Variants in TNFAIP8 observed in about 807,000 individuals in gnomAD.
TNFAIP8 encodes the protein tumor necrosis factor alpha-induced protein 8.
Under a neutral mutation model 13.3 loss-of-function variants are expected in TNFAIP8, and 7 were observed. The ratio of observed to expected loss-of-function variants is 0.52; its 90% CI spans 0.30 to 0.99. The LOEUF (loss-of-function observed/expected upper bound fraction) is 0.99. Ranked by LOEUF, TNFAIP8 falls within the 50% of genes least tolerant of loss-of-function variation. TNFAIP8 has a pLI of 0.07. For synonymous variants in TNFAIP8, 94 were observed against 87.6 expected (o/e 1.07, Z -0.41); for missense variants, 258 against 236.9 (o/e 1.09, Z -0.58).
At chr5:119,297,917 T>C (rs4526133) in intron 1 of TNFAIP8, among the ~76,000 whole-genome samples, 4,644 of 152,246 alleles carry the variant, frequency 0.031, 173 homozygotes, top group African/African-American at 0.092. Context: ...TATCAGAGAC[T>C]AGGATTGCAA....
At chr5:119,302,726 G>A (rs1214127230) in intron 1 of TNFAIP8, among the ~76,000 whole-genome samples, 4 of 152,116 alleles carry the variant, frequency 2.6e-5, no homozygotes, top group Admixed American at 6.5e-5. Flanking sequence ...AACACTTAAA[G>A]CTTATGACCT....
At chr5:119,315,218 GA>G (rs1749853337) in intron 1 of TNFAIP8, among the ~76,000 whole-genome samples, 1 of 152,178 alleles carries the variant, frequency 6.6e-6, no homozygotes. Context: ...GAGTAGCTGG[GA>G]CTACAGGTGC....
chr5:119,395,649 G>C lies in TNFAIP8; in HGVS notation c.*2268G>C, dbSNP rs1170239642. 6.6e-6 allele frequency: 1 copy of C among 152,206 alleles called. No homozygotes were observed. Among genetic ancestry groups the C allele is most frequent in the African/African-American group, 2.4e-5 (1 of 41,434 alleles). 9.4% of individuals were successfully genotyped at this position (152,206 alleles called of 1,614,324 possible). On this transcript the variant is annotated 3_prime_UTR_variant, in exon 2 of 2. Coordinates refer to ENST00000504771, the MANE Select transcript of TNFAIP8 (RefSeq NM_014350.4). ...CTACCATTTCTCAGCATTTTCTGGA[G>C]GGGACCCATCTCCTTACCAGTGCTG... is the stretch of plus-strand genomic sequence containing the variant.
chr5:119,300,258 AC>A (rs1440509372), intron 1 of TNFAIP8, among the ~76,000 whole-genome samples: 1 of 152,090 alleles, frequency 6.6e-6, no homozygotes, highest in Non-Finnish European at 1.5e-5. Flanking sequence ...CTTGGCTGCC[AC>A]CCCCAGTACC....
At chr5:119,369,678 T>C (rs955680524) in intron 1 of TNFAIP8, among the ~76,000 whole-genome samples, 1 of 152,222 alleles carries the variant, frequency 6.6e-6, no homozygotes, top group Non-Finnish European at 1.5e-5. Context: ...ACTCAATAGG[T>C]AGTTGTATCA....
chr5:119,351,024 G>A (rs1751116041), upstream of TNFAIP8, among the ~76,000 whole-genome samples: 1 of 151,226 alleles, frequency 6.6e-6, no homozygotes, highest in South Asian at 2.1e-4. Context: ...GTGTGTGTGT[G>A]TGTGTGTGTG....
chr5:119,350,221 A>G (rs751617204), intron 1 of TNFAIP8, among the ~76,000 whole-genome samples: 4 of 152,338 alleles, frequency 2.6e-5, no homozygotes, highest in South Asian at 4.1e-4. Flanking sequence ...GGGAAAAAAA[A>G]TTCCACTAAG....
chr5:119,317,881 G>C (rs1470321829), intron 1 of TNFAIP8, among the ~76,000 whole-genome samples: 1 of 152,148 alleles, frequency 6.6e-6, no homozygotes, highest in Non-Finnish European at 1.5e-5. Flanking sequence ...ACAGGCGTGA[G>C]CTCCTGCACC....
intron 1 of TNFAIP8, among the ~76,000 whole-genome samples, chr5:119,343,605 T>C (rs1020655429): frequency 1.3e-5 from 2 of 152,260 alleles, no homozygotes; most frequent in Non-Finnish European, 2.9e-5. Context: ...CCAGCATGCA[T>C]TGTATGCTCT....
exon 1 of TNFAIP8, chr5:119,268,788 A>G: frequency 1.5e-6 from 1 of 687,464 alleles, no homozygotes; most frequent in Non-Finnish European, 2.6e-6. Context: ...GCCGGCTCTA[A>G]CCCGCGCTTG....
intron 1 of TNFAIP8, among the ~76,000 whole-genome samples, chr5:119,293,343 G>A (rs1412279506): frequency 6.6e-6 from 1 of 152,086 alleles, no homozygotes; most frequent in African/African-American, 2.4e-5. Flanking sequence ...TGTCTTTTGA[G>A]CAACATCTCC....
intron 1 of TNFAIP8, among the ~76,000 whole-genome samples, chr5:119,331,916 G>A (rs997011325): frequency 3.3e-5 from 5 of 152,184 alleles, no homozygotes; most frequent in South Asian, 2.1e-4. Context: ...CACAGCCTGC[G>A]AAGTCCTTGT....
At chr5:119,361,230 A>ATTC (rs1751622394) in intron 1 of TNFAIP8, among the ~76,000 whole-genome samples, 1 of 143,604 alleles carries the variant, frequency 7.0e-6, no homozygotes. Flanking sequence ...GCTGCAGCGC[A>ATTC]CTGCCCCCCC....
chr5:119,300,945 G>A (rs924820601), intron 1 of TNFAIP8, among the ~76,000 whole-genome samples: 8 of 151,520 alleles, frequency 5.3e-5, no homozygotes, highest in Non-Finnish European at 8.8e-5. Flanking sequence ...GACCATCTCC[G>A]AGGCACAGTT....
At chr5:119,270,184 A>G (rs1214258055) in intron 1 of TNFAIP8, among the ~76,000 whole-genome samples, 1 of 152,268 alleles carries the variant, frequency 6.6e-6, no homozygotes, top group Non-Finnish European at 1.5e-5. Flanking sequence ...GAAAGGTAAG[A>G]GTTGATAAAT....
upstream of TNFAIP8, among the ~76,000 whole-genome samples, chr5:119,351,983 T>G (rs1040002818): frequency 2.0e-5 from 3 of 152,098 alleles, no homozygotes; most frequent in African/African-American, 7.2e-5. Context: ...AGAGATGAGA[T>G]TTCACTGTCT....
chr5:119,375,385 A>G (rs1752241829), intron 1 of TNFAIP8, among the ~76,000 whole-genome samples: 1 of 152,240 alleles, frequency 6.6e-6, no homozygotes, highest in East Asian at 1.9e-4. Flanking sequence ...GAAAAGACAC[A>G]GCTACGAAAG....
intron 1 of TNFAIP8, among the ~76,000 whole-genome samples, chr5:119,350,451 G>T (rs1284053742): frequency 6.6e-6 from 1 of 152,210 alleles, no homozygotes; most frequent in East Asian, 1.9e-4. Flanking sequence ...ATCTCCCACA[G>T]ATGCTGAGAA....
chr5:119,292,679 TATATATAC>T (rs1198034293), intron 1 of TNFAIP8, among the ~76,000 whole-genome samples: 8 of 38,462 alleles, frequency 2.1e-4, no homozygotes, highest in African/African-American at 5.7e-4. Context: ...TATATATATA[TATATATAC>T]ACACACACAC....
Sources: allele counts gnomAD v4.1 joint callset (sites outside exome capture counted in the v4.1 genomes callset), GRCh38; gene constraint gnomAD v4.1.1; transcripts MANE v1.5; gene names NCBI Gene and HGNC (gene_info 2026-07-23, HGNC 2026-07-21).